The following DMD variants were observed in gnomAD, a reference collection of about 807,000 sequenced individuals.
DMD encodes mutant dystrophin.
DMD carries 63 observed loss-of-function variants against 330.1 expected under a neutral mutation model. The ratio of observed to expected loss-of-function variants is 0.19; its 90% CI spans 0.16 to 0.24. The LOEUF is 0.24. Among genes scored for constraint, DMD ranks in the 10% least tolerant of loss-of-function variants. The pLI, the probability that DMD is intolerant of heterozygous loss-of-function variation, is 1.00. For missense variants in DMD, 3,344 were observed against 2,684.1 expected (o/e 1.25, Z -5.43); for synonymous variants, 1,223 against 959.8 (o/e 1.27, Z -5.07).
intron 45 of DMD, among the ~76,000 whole-genome samples, chrX:31,956,601 A>G (rs773173807): frequency 5.2e-4 from 58 of 112,304 alleles, no homozygotes; most frequent in African/African-American, 1.9e-3. Flanking sequence ...TTAATGGCAC[A>G]TGGCCTACGG....
intron 42 of DMD, among the ~76,000 whole-genome samples, chrX:32,307,917 G>C (rs1234966547): frequency 1.8e-5 from 2 of 110,825 alleles, no homozygotes; most frequent in East Asian, 5.7e-4. Context: ...TGTCTGTTAT[G>C]AGTATTATTA....
At position 33,193,742 on chromosome X, in the gene DMD, A is replaced by C. The variant is rs569556971; in HGVS notation, c.31+17540T>G. On this transcript the variant is annotated intron_variant, in intron 1 of 78. Transcript: ENST00000357033. ...AGAAATCTGAGTGTATGTATGCATAATTCTAGTTTTTGAAGTTATCTGAGA... is the reference window on the plus strand; with the variant it reads ...AGAAATCTGAGTGTATGTATGCATACTTCTAGTTTTTGAAGTTATCTGAGA... Among the ~76,000 whole-genome samples the C allele has an allele frequency of 6.2e-5, 7 of 112,284 alleles. No homozygotes were observed. The South Asian group carries it at 2.6e-3, about 41-fold the overall frequency.
intron 34 of DMD, among the ~76,000 whole-genome samples, chrX:32,369,856 T>C (rs969408902): frequency 9.0e-6 from 1 of 111,312 alleles, no homozygotes; most frequent in African/African-American, 3.3e-5. Flanking sequence ...TAACATCATT[T>C]CCTTATAGAT....
At chrX:33,073,868 T>C (rs888462246) in intron 1 of DMD, among the ~76,000 whole-genome samples, 10 of 108,565 alleles carry the variant, frequency 9.2e-5, no homozygotes, top group African/African-American at 3.5e-4. Context: ...AATAAATAAA[T>C]AAATAAACAG....
At chrX:32,243,649 C>T (rs1161804949) in intron 43 of DMD, among the ~76,000 whole-genome samples, 2 of 111,550 alleles carry the variant, frequency 1.8e-5, no homozygotes, top group Admixed American at 1.9e-4. Context: ...GACTTTTGTG[C>T]ATCTAGTACA....
chrX:33,318,492 G>T (rs2053965802), intron 1 of DMD, among the ~76,000 whole-genome samples: 1 of 105,627 alleles, frequency 9.5e-6, no homozygotes, highest in Non-Finnish European at 1.9e-5. Context: ...CTGTCACCCA[G>T]GGTGAAGTGC....
In DMD at chrX:32,614,432, A is replaced by T. The variant is rs2149350354; in HGVS notation, c.1353T>A (p.Asp451Glu). The change falls in exon 12 of 79, where the codon GAT becomes GAA. Residue 451 changes from aspartate to glutamate, a missense_variant. Coordinates refer to ENST00000357033, the MANE Select transcript of DMD (RefSeq NM_004006.3). ...ACTCTTTCAGTTTCTGATTCTGGAG[A>T]TCCATTAAAACTCTATGTAAACTGA... The part of the protein sequence containing the change: ...KQSNLHRVLM[D>E]LQNQKLKELN... The T allele has an allele frequency of 8.3e-7, 1 of 1,207,130 alleles. No homozygotes were observed. The highest frequency in any genetic ancestry group is 2.3e-4 in the Middle Eastern group (1 of 4,337).
At chrX:33,043,347 C>T (rs907882169) in intron 1 of DMD, among the ~76,000 whole-genome samples, 6 of 111,530 alleles carry the variant, frequency 5.4e-5, no homozygotes, top group Non-Finnish European at 9.4e-5. Context: ...AAAATCCTCA[C>T]GAAGGTTTCA....
chrX:33,208,898 T>C (rs982446570), intron 1 of DMD, among the ~76,000 whole-genome samples: 1 of 111,467 alleles, frequency 9.0e-6, no homozygotes, highest in African/African-American at 3.2e-5. Flanking sequence ...TAAAATAGAA[T>C]TTTGAAAAAC....
intron 55 of DMD, among the ~76,000 whole-genome samples, chrX:31,522,359 C>CTATATATATA (rs1163138588): frequency 1.1e-4 from 6 of 54,018 alleles, no homozygotes; most frequent in Admixed American, 2.3e-4. Context: ...CTCTCTCTCT[C>CTATATATATA]TCTCTATATA....
chrX:32,333,378 C>A (rs994890588), intron 41 of DMD, among the ~76,000 whole-genome samples: 1 of 110,968 alleles, frequency 9.0e-6, no homozygotes, highest in Non-Finnish European at 1.9e-5. Context: ...ATTCTAGGTT[C>A]CTACGTGGAT....
chrX:32,365,285 T>C, intron 34 of DMD, 86 bp from the exon 35 acceptor site: 4 of 941,250 alleles, frequency 4.2e-6, no homozygotes, highest in Non-Finnish European at 6.0e-6. Flanking sequence ...GTATGGTTAC[T>C]ATGATTCTGC....
At position 31,304,131 on chromosome X, in the gene DMD, T is replaced by C. The variant is rs184459530; in HGVS notation, c.9224+19467A>G. 2.2e-3 allele frequency among the ~76,000 whole-genome samples: 245 copies of C among 112,287 alleles called. 2 individuals carry two copies. The highest frequency in any genetic ancestry group is 7.1e-3 in the African/African-American group (220 of 31,005). On this transcript the variant is annotated intron_variant, in intron 62 of 78. Transcript: ENST00000357033. ...GAAAGCAGTAACAAGTAGCAGTTTC[T>C]ACTTTTACAAATATAACTGAGGTTA...
At position 32,491,475 on chromosome X, in the gene DMD, C is replaced by G. The variant is rs748257989; in HGVS notation, c.2424G>C (p.Leu808=). 30 of 1,209,268 alleles carry G rather than the reference C, an allele frequency of 2.5e-5. No individual in the cohort carries two copies. In the East Asian group the frequency reaches 8.0e-4, roughly 32 times the overall value. Residue 808 remains leucine, a synonymous_variant, in exon 20 of 79, where the codon CTG becomes CTC. Transcript: ENST00000357033. ...ADSIKQASEQ[L]NSRWIEFCQL... is the part of the protein sequence containing the mutation. ...GGCAGAATTCGATCCACCGGCTGTT[C>G]AGTTGTTCTGAGGCTTGTTTGATGC...
chrX:31,617,504 AG>A (rs2078267105), intron 55 of DMD, among the ~76,000 whole-genome samples: 1 of 94,267 alleles, frequency 1.1e-5, no homozygotes, highest in Non-Finnish European at 2.1e-5. Context: ...ATTGCACTCC[AG>A]CCTGGGGGAC....
At chrX:32,570,550 T>G (rs920573623) in intron 15 of DMD, among the ~76,000 whole-genome samples, 1 of 112,048 alleles carries the variant, frequency 8.9e-6, no homozygotes, top group African/African-American at 3.2e-5. Flanking sequence ...TTGTTAGAAA[T>G]GACAGTTCTC....
At chrX:32,795,709 TATTCAGACAAGAGACTAATATCTAGGA>T (rs756878021) in intron 7 of DMD, among the ~76,000 whole-genome samples, 24 of 112,063 alleles carry the variant, frequency 2.1e-4, no homozygotes, top group Non-Finnish European at 3.8e-4. Flanking sequence ...ATTTGTAAAC[TATTCAGACAAGAGACTAATATCTAGGA>T]AATACGAGGA....
chrX:33,008,803 C>CGTATATATACACATATATGT (rs2093455949), intron 2 of DMD, among the ~76,000 whole-genome samples: 2 of 62,607 alleles, frequency 3.2e-5, no homozygotes, highest in African/African-American at 5.6e-5. Context: ...CGTATATATA[C>CGTATATATACACATATATGT]GTATATATAC....
At chrX:32,056,108 GTTTT>G (rs946047434) in intron 44 of DMD, among the ~76,000 whole-genome samples, 1 of 110,528 alleles carries the variant, frequency 9.0e-6, no homozygotes, top group African/African-American at 3.3e-5. Flanking sequence ...GCTTTGAAGT[GTTTT>G]TTATTTTGTT....
Sources: gnomAD v4.1 joint callset for allele counts (sites outside exome capture counted in the v4.1 genomes callset) on GRCh38, gnomAD v4.1.1 for gene constraint, MANE v1.5 for transcripts, NCBI Gene and HGNC (gene_info 2026-07-23, HGNC 2026-07-21) for gene names.